Variants in ITPR1 observed in about 807,000 individuals in gnomAD.
ITPR1 encodes the protein inositol 1,4,5-trisphosphate-gated calcium channel ITPR1.
A neutral mutation model predicts 318.4 loss-of-function variants in ITPR1; 96 were observed. That is an observed-to-expected ratio of 0.30 (90% CI 0.26 to 0.36). ITPR1 has a LOEUF of 0.36. Among genes scored for constraint, ITPR1 ranks in the 10% least tolerant of loss-of-function variants. ITPR1 has a pLI of 1.00. For synonymous variants in ITPR1, 1,312 were observed against 1,289.9 expected, an observed-to-expected ratio of 1.02 and a Z score of -0.37; for missense variants, 2,440 against 3,460.2, an observed-to-expected ratio of 0.71 and a Z score of 7.40.
intron 54 of ITPR1, among the ~76,000 whole-genome samples, chr3:4,803,561 A>G (rs1372330418): frequency 6.6e-6 from 1 of 152,242 alleles, no homozygotes; most frequent in African/African-American, 2.4e-5. Flanking sequence ...CCAGAACTAC[A>G]GAGAGAGATC....
intron 44 of ITPR1, among the ~76,000 whole-genome samples, chr3:4,746,818 C>T (rs1159222291): frequency 2.0e-5 from 3 of 152,186 alleles, no homozygotes; most frequent in Non-Finnish European, 4.4e-5. Context: ...ACAGCTCATC[C>T]AAAGCAACTC....
In ITPR1 at chr3:4,676,718, G is replaced by A; in HGVS notation, c.2884G>A (p.Glu962Lys). ...LPMTPMAAAP[E>K]GNVKQAEPEK... ...CATGACTCCCATGGCTGCTGCCCCT[G>A]AAGGCAATGTGAAGCAGGCAGAGCC... The change falls in exon 24 of 62, where the codon GAA becomes AAA. Residue 962 changes from glutamate (E) to lysine (K), a missense_variant. Glu to Lys is a moderately conservative substitution (Grantham distance 56). Coordinates refer to ENST00000649015, the MANE Select transcript of ITPR1 (RefSeq NM_001378452.1). The A allele has an allele frequency of 6.2e-7, 1 of 1,613,812 alleles. No homozygotes were observed. Among genetic ancestry groups the A allele is most frequent in the Non-Finnish European group, 8.5e-7 (1 of 1,179,824 alleles).
At chr3:4,555,346 C>T (rs1437233458) in intron 4 of ITPR1, among the ~76,000 whole-genome samples, 10 of 152,124 alleles carry the variant, frequency 6.6e-5, no homozygotes. Flanking sequence ...CAAGCGATTG[C>T]TTTTGGCAGT....
In ITPR1 at chr3:4,630,801, TG is replaced by T. The variant is rs1182241320; in HGVS notation, c.279+2925del. On this transcript the variant is annotated intron_variant, in intron 5 of 61. Transcript: ENST00000649015. ...CAGCATTTCACCATGTTGGCCAGGCTGGTCTCGAACTCCTGACCTCAAGTGA... is the reference window on the plus strand; with the variant it reads ...CAGCATTTCACCATGTTGGCCAGGCTGTCTCGAACTCCTGACCTCAAGTGA... Among the ~76,000 whole-genome samples the T allele has an allele frequency of 4.6e-5, 7 of 152,084 alleles. No individual in the cohort carries two copies. The East Asian group carries it at 1.3e-3, about 29-fold the overall frequency.
At chr3:4,584,878 T>C (rs1001325582) in intron 4 of ITPR1, among the ~76,000 whole-genome samples, 4 of 152,088 alleles carry the variant, frequency 2.6e-5, no homozygotes, top group African/African-American at 9.7e-5. Context: ...AGAGACAAAA[T>C]GAAGCAAATG....
At chr3:4,558,160 AT>A (rs767556587) in intron 4 of ITPR1, among the ~76,000 whole-genome samples, 5 of 152,204 alleles carry the variant, frequency 3.3e-5, no homozygotes, top group Non-Finnish European at 7.4e-5. Context: ...GGTTTAACAT[AT>A]CTAAGATGTA....
At chr3:4,829,437 T>C (rs996314502) in intron 60 of ITPR1, among the ~76,000 whole-genome samples, 1 of 150,878 alleles carries the variant, frequency 6.6e-6, no homozygotes, top group African/African-American at 2.5e-5. Flanking sequence ...TGGAATCCCA[T>C]TTTTAAAAAA....
intron 37 of ITPR1, among the ~76,000 whole-genome samples, chr3:4,708,188 C>A (rs1035922413): frequency 1.3e-5 from 2 of 152,050 alleles, no homozygotes; most frequent in Non-Finnish European, 1.5e-5. Flanking sequence ...GTGTAAAGAC[C>A]GTTATACCGA....
At chr3:4,783,636 C>T (rs1252196739) in intron 50 of ITPR1, among the ~76,000 whole-genome samples, 180 bp from the exon 51 acceptor site, 1 of 152,236 alleles carries the variant, frequency 6.6e-6, no homozygotes, top group Non-Finnish European at 1.5e-5. Flanking sequence ...CTACCAAGCT[C>T]CCAAAATAGC....
intron 37 of ITPR1, among the ~76,000 whole-genome samples, chr3:4,707,398 G>T (rs2094782208): frequency 6.6e-6 from 1 of 152,194 alleles, no homozygotes; most frequent in African/African-American, 2.4e-5. Context: ...GACCTCAGCT[G>T]GAGTTGTCGA....
chr3:4,768,414 A>G, intron 45 of ITPR1, 97 bp from the exon 46 acceptor site: 2 of 1,358,108 alleles, frequency 1.5e-6, no homozygotes, highest in South Asian at 3.1e-5. Flanking sequence ...CGTCTCTAGG[A>G]GATAAAGGAA....
At chr3:4,804,894 C>T (rs1030083601) in intron 54 of ITPR1, among the ~76,000 whole-genome samples, 3 of 152,120 alleles carry the variant, frequency 2.0e-5, no homozygotes, top group Admixed American at 6.6e-5. Context: ...GTATTTCCCC[C>T]GCACCTGTGG....
At chr3:4,567,657 G>C (rs1192271557) in intron 4 of ITPR1, among the ~76,000 whole-genome samples, 1 of 151,990 alleles carries the variant, frequency 6.6e-6, no homozygotes, top group African/African-American at 2.4e-5. Context: ...CCAGGCTGGA[G>C]TGCATGCTGC....
At chr3:4,715,212 A>C (rs1188814371) in intron 39 of ITPR1, among the ~76,000 whole-genome samples, 2 of 152,226 alleles carry the variant, frequency 1.3e-5, no homozygotes, top group Non-Finnish European at 2.9e-5. Flanking sequence ...TCACCACTGC[A>C]TTATCAGTGA....
intron 61 of ITPR1, among the ~76,000 whole-genome samples, chr3:4,837,689 G>A (rs555697958): frequency 8.5e-5 from 13 of 152,072 alleles, no homozygotes; most frequent in African/African-American, 2.9e-4. Flanking sequence ...ATACAAAACC[G>A]TGCGTACTCT....
At chr3:4,645,533 C>A (rs762672381) in intron 9 of ITPR1, 49 bp from the exon 10 acceptor site, 1 of 1,608,022 alleles carries the variant, frequency 6.2e-7, no homozygotes, top group African/African-American at 1.3e-5. Flanking sequence ...CAGTCTAATT[C>A]TCTTTTTAAA....
At chr3:4,532,567 C>T (rs559146341) in intron 4 of ITPR1, among the ~76,000 whole-genome samples, 15 of 152,136 alleles carry the variant, frequency 9.9e-5, no homozygotes, top group African/African-American at 2.9e-4. Context: ...GACGGGGTTT[C>T]GCCACGTTGC....
rs754002503 is a variant in ITPR1 at position 4,609,051 on chromosome 3, AATATATATATATATATAT to A, written c.164-18690_164-18673del. 3.5e-3 allele frequency among the ~76,000 whole-genome samples: 163 copies of A among 46,568 alleles called. 3 individuals are homozygous for A. The highest frequency in any genetic ancestry group is 0.012 in the South Asian group (7 of 572). 30.6% of individuals were successfully genotyped at this position (46,568 alleles called of 152,430 possible). A position where few individuals can be genotyped will look rare whatever the true frequency, so the allele number is the denominator to read the frequency against. ...CAAAAGAAAACAACAACAACAACGA[AATATATATATATATATAT>A]ATATATATATATATATATATACACA... On this transcript the variant is annotated intron_variant, in intron 4 of 61. Coordinates refer to ENST00000649015, the MANE Select transcript of ITPR1 (RefSeq NM_001378452.1).
intron 51 of ITPR1, among the ~76,000 whole-genome samples, chr3:4,784,904 G>C (rs553562065): frequency 2.0e-5 from 3 of 151,642 alleles, no homozygotes; most frequent in Non-Finnish European, 2.9e-5. Context: ...AAAAAAAAAA[G>C]AAAAAGTGTC....
Sources: gnomAD v4.1 joint callset for allele counts (sites outside exome capture counted in the v4.1 genomes callset) on GRCh38, gnomAD v4.1.1 for gene constraint, MANE v1.5 for transcripts, NCBI Gene and HGNC (gene_info 2026-07-23, HGNC 2026-07-21) for gene names.